The following DLGAP2 variants were observed in gnomAD, a reference collection of about 807,000 sequenced individuals.
DLGAP2 encodes disks large-associated protein 2.
DLGAP2 carries 26 observed loss-of-function variants against 100.3 expected under a neutral mutation model. That is an observed-to-expected ratio of 0.26 (90% CI 0.19 to 0.36). The LOEUF (loss-of-function observed/expected upper bound fraction) is 0.36. Ranked by LOEUF, DLGAP2 falls within the 10% of genes least tolerant of loss-of-function variation. The pLI is 1.00. For synonymous variants in DLGAP2, 886 were observed against 630.1 expected, an observed-to-expected ratio of 1.41 and a Z score of -6.08; for missense variants, 1,858 against 1,453.2, an observed-to-expected ratio of 1.28 and a Z score of -4.53.
chr8:1,446,079 G>A (rs1366224412), intron 3 of DLGAP2, among the ~76,000 whole-genome samples: 8 of 151,948 alleles, frequency 5.3e-5, no homozygotes, highest in Non-Finnish European at 2.9e-5. Flanking sequence ...TTGCTGTGCA[G>A]AAGCTCTTGA....
chr8:1,240,942 C>A (rs1203088932), intron 2 of DLGAP2, among the ~76,000 whole-genome samples: 1 of 7,074 alleles, frequency 1.4e-4, no homozygotes, highest in Non-Finnish European at 3.8e-4. Flanking sequence ...TCTCACATGG[C>A]GCCGTGTCTA....
At chr8:1,106,234 AT>A (rs1236316159) in intron 2 of DLGAP2, among the ~76,000 whole-genome samples, 1 of 149,014 alleles carries the variant, frequency 6.7e-6, no homozygotes, top group Non-Finnish European at 1.5e-5. Context: ...GAAGGGAACC[AT>A]TCTAGGAGGG....
intron 1 of DLGAP2, among the ~76,000 whole-genome samples, chr8:785,475 C>T (rs1257226056): frequency 6.8e-6 from 1 of 147,238 alleles, no homozygotes; most frequent in Non-Finnish European, 1.5e-5. Context: ...CCCTCCTCCC[C>T]TCAGCCCCTG....
At chr8:1,107,820 C>A (rs1368558880) in intron 2 of DLGAP2, among the ~76,000 whole-genome samples, 2 of 152,184 alleles carry the variant, frequency 1.3e-5, no homozygotes, top group African/African-American at 2.4e-5. Flanking sequence ...ACCCATGTTG[C>A]ATTTGGCAGG....
At chr8:1,225,698 A>G (rs1024497795) in intron 2 of DLGAP2, among the ~76,000 whole-genome samples, 1 of 152,250 alleles carries the variant, frequency 6.6e-6, no homozygotes, top group East Asian at 1.9e-4. Flanking sequence ...ACTACCAAAA[A>G]TAAGAAGAAA....
At chr8:1,458,100 G>A (rs374613489) in intron 3 of DLGAP2, among the ~76,000 whole-genome samples, 1 of 149,132 alleles carries the variant, frequency 6.7e-6, no homozygotes, top group East Asian at 2.0e-4. Flanking sequence ...TAGAGACGGG[G>A]TTTCACCATG....
chr8:1,120,651 C>T (rs1035644006), intron 2 of DLGAP2, among the ~76,000 whole-genome samples: 1 of 151,688 alleles, frequency 6.6e-6, no homozygotes, highest in African/African-American at 2.4e-5. Context: ...GAACTCATGA[C>T]TATAAACCCT....
chr8:1,318,980 C>A (rs1330745676), intron 3 of DLGAP2, among the ~76,000 whole-genome samples: 2 of 152,160 alleles, frequency 1.3e-5, no homozygotes, highest in Non-Finnish European at 2.9e-5. Context: ...GACATAGTCT[C>A]TGTTTTATGG....
At chr8:1,128,291 G>T (rs1322158601) in intron 2 of DLGAP2, among the ~76,000 whole-genome samples, 1 of 149,956 alleles carries the variant, frequency 6.7e-6, no homozygotes, top group African/African-American at 2.5e-5. Flanking sequence ...TGTGTTCCAT[G>T]AGGACCTGCT....
intron 2 of DLGAP2, among the ~76,000 whole-genome samples, chr8:1,212,862 A>G (rs1798134972): frequency 6.8e-6 from 1 of 147,496 alleles, no homozygotes; most frequent in South Asian, 2.1e-4. Flanking sequence ...CATCTTCTCA[A>G]AAACATCACA....
At chr8:1,486,460 G>T (rs1009435630) in intron 3 of DLGAP2, among the ~76,000 whole-genome samples, 27 of 152,198 alleles carry the variant, frequency 1.8e-4, no homozygotes, top group Non-Finnish European at 3.4e-4. Context: ...AGCCTGTCAT[G>T]TTCCACAGGC....
intron 1 of DLGAP2, among the ~76,000 whole-genome samples, chr8:814,228 G>T (rs10089553): frequency 5.3e-5 from 8 of 152,030 alleles, no homozygotes; most frequent in Non-Finnish European, 1.2e-4. Context: ...CCTCAGTTTT[G>T]GTAACTGAGT....
At chr8:1,557,729 A>G (rs768172193) in intron 5 of DLGAP2, among the ~76,000 whole-genome samples, 1 of 152,144 alleles carries the variant, frequency 6.6e-6, no homozygotes, top group Non-Finnish European at 1.5e-5. Flanking sequence ...GGGCACGCAG[A>G]CGCCGTCCTC....
intron 2 of DLGAP2, among the ~76,000 whole-genome samples, chr8:1,066,442 C>A: frequency 6.8e-6 from 1 of 147,030 alleles, no homozygotes; most frequent in African/African-American, 2.6e-5. Context: ...AGGGCAGCTC[C>A]CCACCTTGGG....
intron 3 of DLGAP2, among the ~76,000 whole-genome samples, chr8:1,377,405 G>A (rs978954062): frequency 7.2e-5 from 11 of 152,198 alleles, no homozygotes; most frequent in African/African-American, 2.2e-4. Context: ...TTAGCCAGGC[G>A]AGGTGGCAGG....
At chr8:1,519,264 C>T (rs780410638) in intron 4 of DLGAP2, among the ~76,000 whole-genome samples, 1 of 152,128 alleles carries the variant, frequency 6.6e-6, no homozygotes, top group African/African-American at 2.4e-5. Context: ...ATGTCCCATC[C>T]TACGCCTGAA....
chr8:1,067,589 C>G (rs1381254893), intron 2 of DLGAP2, among the ~76,000 whole-genome samples: 1 of 148,986 alleles, frequency 6.7e-6, no homozygotes, highest in Non-Finnish European at 1.5e-5. Flanking sequence ...AACCAAGACT[C>G]AGGTGGTTGA....
At chr8:748,200 G>A (rs1284501919) in intron 1 of DLGAP2, among the ~76,000 whole-genome samples, 25 of 123,326 alleles carry the variant, frequency 2.0e-4, no homozygotes, top group African/African-American at 6.2e-4. Flanking sequence ...TGGGATGGGG[G>A]GCTCTGCGGT....
intron 2 of DLGAP2, among the ~76,000 whole-genome samples, chr8:1,227,492 T>A (rs1047858184): frequency 6.7e-6 from 1 of 149,656 alleles, no homozygotes; most frequent in African/African-American, 2.5e-5. Context: ...GATTTGCTTC[T>A]TTTCTTTTCT....
Sources: gnomAD v4.1 joint callset for allele counts (sites outside exome capture counted in the v4.1 genomes callset) on GRCh38, gnomAD v4.1.1 for gene constraint, MANE v1.5 for transcripts, NCBI Gene and HGNC (gene_info 2026-07-23, HGNC 2026-07-21) for gene names.